The following NBPF14 variants were observed in gnomAD, a reference collection of about 807,000 sequenced individuals.
NBPF14 encodes the protein NBPF member 14.
A neutral mutation model predicts 91.2 loss-of-function variants in NBPF14; 104 were observed. That is an observed-to-expected ratio of 1.14 (90% CI 0.97 to 1.34). The LOEUF (loss-of-function observed/expected upper bound fraction) is 1.34, where lower values mean the gene tolerates loss of function less well. Among genes scored for constraint, NBPF14 ranks in the 40% most tolerant of loss-of-function variants. NBPF14 has a pLI of 0.00. For synonymous variants in NBPF14, 294 were observed against 303.8 expected, an observed-to-expected ratio of 0.97 and a Z score of 0.34; for missense variants, 908 against 783.0, an observed-to-expected ratio of 1.16 and a Z score of -1.91.
chr1:148,593,441 C>T (rs1360183645), intron 3 of NBPF14, among the ~76,000 whole-genome samples, 157 bp downstream of exon 3: 19 of 147,778 alleles, frequency 1.3e-4, no homozygotes, highest in Admixed American at 1.2e-3. Flanking sequence ...TTATTATTAT[C>T]CTTGTTCTCT....
At chr1:148,559,508 A>T (rs1657252399) in intron 37 of NBPF14, among the ~76,000 whole-genome samples, 1 of 125,066 alleles carries the variant, frequency 8.0e-6, no homozygotes, top group East Asian at 2.4e-4. Flanking sequence ...TTGAGACAAA[A>T]TCAGAGTTGT....
intron 67 of NBPF14, 82 bp from the exon 68 acceptor site, chr1:148,535,586 G>A (rs2149476016): frequency 4.0e-6 from 1 of 248,690 alleles, no homozygotes; most frequent in Non-Finnish European, 7.2e-6. Flanking sequence ...TCCTCACACA[G>A]GGACTTCAGG....
At chr1:148,534,450 G>C (rs1455601314) in intron 69 of NBPF14, among the ~76,000 whole-genome samples, 1 of 151,718 alleles carries the variant, frequency 6.6e-6, no homozygotes, top group African/African-American at 2.4e-5. Flanking sequence ...CATGAGAATA[G>C]GATCAGGGCG....
At chr1:148,533,895 C>T (rs1296364543) in exon 70 of NBPF14, 2 of 758,648 alleles carry the variant, frequency 2.6e-6, no homozygotes, top group Non-Finnish European at 4.8e-6. Flanking sequence ...TCTTCCCCTT[C>T]TTTTCTTCCC....
In NBPF14 at chr1:148,559,357, A is replaced by G. The variant is rs1657187631; in HGVS notation, c.4730-285T>C. On this transcript the variant is annotated intron_variant, in intron 37 of 70. Transcript: ENST00000619423. ...TATGCCATATTTTTCCAATCGATTTAAAGCAATTGCCCCCAAATGGTTGCT... is the reference window on the plus strand; with the variant it reads ...TATGCCATATTTTTCCAATCGATTTGAAGCAATTGCCCCCAAATGGTTGCT... Among the ~76,000 whole-genome samples, 4 of 130,410 alleles carry G rather than the reference A, an allele frequency of 3.1e-5. 1 individual carries two copies. The East Asian group carries it at 7.1e-4, about 23-fold the overall frequency. 85.6% of individuals were successfully genotyped at this position (130,410 alleles called of 152,430 possible).
rs1189662357 is a variant in NBPF14, at chr1:148,577,763, G to C, written c.1853+220C>G. 2.8e-5 allele frequency among the ~76,000 whole-genome samples: 4 copies of C among 140,678 alleles called. No homozygotes were observed. In the South Asian group the frequency reaches 9.7e-4, roughly 34 times the overall value. The allele number at this position is 140,678 out of a possible 152,430, so 92.3% of individuals were successfully genotyped here. On this transcript the variant is annotated intron_variant, in intron 14 of 70. Coordinates refer to ENST00000619423, the Ensembl canonical transcript of NBPF14. ...CAGTTACCATGAGAATACAGCTTTTGAGGTATGGTCAACTTTCACTAGGTT... is the reference window on the plus strand; with the variant it reads ...CAGTTACCATGAGAATACAGCTTTTCAGGTATGGTCAACTTTCACTAGGTT...
intron 70 of NBPF14, among the ~76,000 whole-genome samples, 165 bp from the exon 71 acceptor site, chr1:148,533,413 G>C (rs1462104651): frequency 1.3e-5 from 2 of 150,106 alleles, no homozygotes; most frequent in East Asian, 1.9e-4. Context: ...GGATAGAACA[G>C]GGCCAGGTAG....
Position 148,566,394 on chromosome 1 carries a change from C to G in NBPF14, c.3543-79G>C. 3 of 673,442 alleles carry G rather than the reference C, an allele frequency of 4.5e-6. No individual in the cohort carries two copies. The Admixed American group carries it at 6.8e-5, about 15-fold the overall frequency. The allele number at this position is 673,442 out of a possible 1,614,324, so 41.7% of individuals were successfully genotyped here. On this transcript the variant is annotated intron_variant, in intron 28 of 70. Transcript: ENST00000619423. ...AGCCTCAACTAGGTTTCATGGGTAGCATAGGGAAGTGGTTAAAAAACTAAA... is the reference window on the plus strand; with the variant it reads ...AGCCTCAACTAGGTTTCATGGGTAGGATAGGGAAGTGGTTAAAAAACTAAA...
intron 28 of NBPF14, among the ~76,000 whole-genome samples, chr1:148,566,618 C>CT (rs1658464232): frequency 7.1e-6 from 1 of 140,940 alleles, no homozygotes; most frequent in African/African-American, 2.6e-5. Flanking sequence ...ACAGGACACT[C>CT]TGAGTTAGTG....
chr1:148,594,749 G>A (rs1233075143), intron 2 of NBPF14, among the ~76,000 whole-genome samples: 1 of 79,088 alleles, frequency 1.3e-5, no homozygotes, highest in Non-Finnish European at 2.1e-5. Flanking sequence ...CCATGCTGGA[G>A]TGCAATAGTG....
chr1:148,533,879 T>C (rs1417740128), exon 70 of NBPF14: 1 of 762,732 alleles, frequency 1.3e-6, no homozygotes. Context: ...TGGTGGGTTT[T>C]GATCTTCTTC....
intron 10 of NBPF14, 90 bp downstream of exon 10, chr1:148,585,051 T>G (rs1661289420): frequency 2.6e-6 from 2 of 774,958 alleles, no homozygotes; most frequent in Admixed American, 1.8e-5. Flanking sequence ...TGCGGGTTTT[T>G]GGCCCATCAT....
intron 10 of NBPF14, among the ~76,000 whole-genome samples, 158 bp downstream of exon 10, chr1:148,584,983 C>T (rs1289642674): frequency 2.7e-5 from 4 of 148,380 alleles, no homozygotes; most frequent in African/African-American, 9.8e-5. Flanking sequence ...AGAAACATGA[C>T]AGCTACCGCA....
chr1:148,587,177 G>A (rs1265817936), intron 8 of NBPF14, 124 bp downstream of exon 8: 2 of 782,622 alleles, frequency 2.6e-6, no homozygotes, highest in African/African-American at 3.5e-5. Context: ...TGTGTAGCGA[G>A]CCTGCCATGG....
intron 10 of NBPF14, among the ~76,000 whole-genome samples, 156 bp downstream of exon 10, chr1:148,584,985 G>C (rs1402022117): frequency 6.7e-6 from 1 of 148,248 alleles, no homozygotes; most frequent in Non-Finnish European, 1.5e-5. Context: ...AAACATGACA[G>C]CTACCGCACC....
chr1:148,557,072 A>C (rs1656695769), intron 40 of NBPF14, among the ~76,000 whole-genome samples: 2 of 124,934 alleles, frequency 1.6e-5, no homozygotes, highest in Admixed American at 1.6e-4. Context: ...ACACACACAC[A>C]CACACACACA....
At chr1:148,594,687 GATTT>G (rs1271669096) in intron 2 of NBPF14, among the ~76,000 whole-genome samples, 2 of 71,004 alleles carry the variant, frequency 2.8e-5, no homozygotes, top group Non-Finnish European at 2.4e-5. Flanking sequence ...TTTTATTTTT[GATTT>G]ATTTATCGTT....
chr1:148,559,668 T>A, intron 37 of NBPF14, 125 bp downstream of exon 37: 3 of 629,154 alleles, frequency 4.8e-6, no homozygotes, highest in Non-Finnish European at 5.4e-6. Flanking sequence ...TCAACCTACA[T>A]GTGCCTATAG....
intron 8 of NBPF14, among the ~76,000 whole-genome samples, chr1:148,586,913 C>A (rs1292471248): frequency 7.0e-6 from 1 of 143,484 alleles, no homozygotes; most frequent in Non-Finnish European, 1.6e-5. Flanking sequence ...GTCGAGGAGG[C>A]AACATTGATT....
Sources: allele counts gnomAD v4.1 joint callset (sites outside exome capture counted in the v4.1 genomes callset), GRCh38; gene constraint gnomAD v4.1.1; transcripts MANE v1.5; gene names NCBI Gene and HGNC (gene_info 2026-07-23, HGNC 2026-07-21).